JAG1: variants seen among roughly 807,000 people sequenced by gnomAD.
JAG1 encodes protein jagged-1.
A neutral mutation model predicts 148.7 loss-of-function variants in JAG1; 23 were observed. That is an observed-to-expected ratio of 0.15 (90% confidence interval 0.11 to 0.22). The LOEUF (loss-of-function observed/expected upper bound fraction) is 0.22, where lower values mean the gene tolerates loss of function less well. JAG1 is among the 10% of genes least tolerant of loss of function. The pLI, the probability that JAG1 is intolerant of heterozygous loss-of-function variation, is 1.00. For missense variants in JAG1, 1,054 were observed against 1,611.2 expected, an observed-to-expected ratio of 0.65 and a Z score of 5.92; for synonymous variants, 572 against 598.3, an observed-to-expected ratio of 0.96 and a Z score of 0.64.
intron 5 of JAG1, among the ~76,000 whole-genome samples, chr20:10,653,922 G>A (rs2067362229): frequency 6.6e-6 from 1 of 152,188 alleles, no homozygotes; most frequent in Non-Finnish European, 1.5e-5. Flanking sequence ...AGAATGTGTG[G>A]TTTAAAGTTA....
intron 5 of JAG1, among the ~76,000 whole-genome samples, chr20:10,654,335 A>C (rs1216969523): frequency 1.3e-5 from 2 of 152,234 alleles, no homozygotes; most frequent in East Asian, 3.8e-4. Flanking sequence ...ACCCTAAAAG[A>C]GGCACCAACC....
In JAG1 at chr20:10,667,302, C is replaced by T. The variant is rs77019750; in HGVS notation, c.388-3288G>A. 4.5e-4 allele frequency among the ~76,000 whole-genome samples: 69 copies of T among 152,344 alleles called. No homozygotes were observed. The East Asian group carries it at 0.012, about 26-fold the overall frequency. On this transcript the variant is annotated intron_variant, in intron 2 of 25. Transcript: ENST00000254958. ...CCATTGTGCACAGTCAGTCGGCTCCCAGGGTTCGTCAGGGGCCCTGAGCTC... is the reference window on the plus strand; with the variant it reads ...CCATTGTGCACAGTCAGTCGGCTCCTAGGGTTCGTCAGGGGCCCTGAGCTC...
intron 14 of JAG1, chr20:10,646,325 G>T: frequency 1.9e-6 from 1 of 514,668 alleles, no homozygotes. Flanking sequence ...AGGTGAAAGT[G>T]GGGAAGAAAC....
At position 10,641,158 on chromosome 20, in the gene JAG1, A is replaced by T. The variant is rs775926205; in HGVS notation, c.3003T>A (p.Ala1001=). The T allele has an allele frequency of 1.9e-5, 30 of 1,613,914 alleles. No homozygotes were observed. The African/African-American group carries it at 3.1e-4, about 17-fold the overall frequency. The part of the protein sequence containing the change: ...NVSAEYSIYI[A]CEPSPSANNE... ...TGTTCGCTGAAGGGGAAGGCTCGCA[A>T]GCGATGTAGATTGAATATTCAGCGG... is the stretch of plus-strand genomic sequence containing the variant. Residue 1001 remains alanine (A), a synonymous_variant, in exon 24 of 26, where the codon GCT becomes GCA. Transcript: ENST00000254958.
intron 9 of JAG1, 61 bp from the exon 10 acceptor site, chr20:10,649,696 G>GA (rs749690833): frequency 6.7e-4 from 607 of 901,498 alleles, no homozygotes; most frequent in Non-Finnish European, 9.2e-4. Flanking sequence ...CCCCACCTTG[G>GA]AAAAAAAAAG....
chr20:10,655,477 AC>A (rs2067372496), intron 5 of JAG1, among the ~76,000 whole-genome samples: 2 of 152,172 alleles, frequency 1.3e-5, no homozygotes, highest in Admixed American at 1.3e-4. Context: ...AAATGCAGAA[AC>A]CTGGGCTCAG....
At chr20:10,641,935 C>T (rs777717011) in intron 21 of JAG1, 43 bp from the exon 22 acceptor site, 4 of 1,304,358 alleles carry the variant, frequency 3.1e-6, no homozygotes, top group Admixed American at 1.7e-5. Context: ...TTCTGTGAAC[C>T]GGATCGGGGT....
rs754636635 is a variant in JAG1 at position 10,647,121 on chromosome 20, G to C, written c.1721-18C>G. On this transcript the variant is annotated intron_variant, in intron 13 of 25. Coordinates refer to ENST00000254958, the MANE Select transcript of JAG1 (RefSeq NM_000214.3). ...GTCAATCACTAGAAGATAGGCTTGGGATCAGATCACAGCCATGCACCCACA... is the reference window on the plus strand; with the variant it reads ...GTCAATCACTAGAAGATAGGCTTGGCATCAGATCACAGCCATGCACCCACA... 4 of 1,614,138 alleles carry C rather than the reference G, an allele frequency of 2.5e-6. No individual in the cohort carries two copies. Among genetic ancestry groups the C allele is most frequent in the East Asian group, 4.5e-5 (2 of 44,872 alleles).
chr20:10,660,755 G>A (rs897497617), intron 3 of JAG1, among the ~76,000 whole-genome samples: 7 of 152,192 alleles, frequency 4.6e-5, no homozygotes, highest in African/African-American at 1.7e-4. Flanking sequence ...TCCTGATCAC[G>A]CTTTCCTTCA....
Position 10,646,898 on chromosome 20 carries a change from G to A in JAG1, c.1885+41C>T, listed in dbSNP as rs115435195. Reference sequence around the variant, plus strand: ...GGGGCAGAGGCAGGGGCAGGGGCAGGCTGGGGAGCACTGGTCCATTCCCGG... The same window carrying A: ...GGGGCAGAGGCAGGGGCAGGGGCAGACTGGGGAGCACTGGTCCATTCCCGG... On this transcript the variant is annotated intron_variant, in intron 14 of 25. Coordinates refer to ENST00000254958, the MANE Select transcript of JAG1 (RefSeq NM_000214.3). The A allele has an allele frequency of 2.8e-3, 4,510 of 1,601,204 alleles. 114 individuals carry two copies. The African/African-American group carries it at 0.054, about 19-fold the overall frequency.
rs1270151442 is a variant in JAG1, at chr20:10,641,830, C to A, written c.2635G>T (p.Asp879Tyr). 1 of 1,614,186 alleles carries A rather than the reference C, an allele frequency of 6.2e-7. No homozygotes were observed. ...TTCAGGCACTGGCAGGTATTACAGT[C>A]ATCATCCCATTTGGCCCCATCTGGT... ...VIPDGAKWDDDCNTCQCLNGR... is the reference protein window; with the variant it reads ...VIPDGAKWDDYCNTCQCLNGR... The change falls in exon 22 of 26, where the codon GAC (aspartate) becomes TAC (tyrosine). Residue 879 changes from aspartate (D) to tyrosine (Y), a missense_variant. Asp to Tyr is a radical substitution (Grantham distance 160, BLOSUM62 -3). This residue lies in a region of JAG1 where 342 missense variants were observed against 514.6 expected (regional missense o/e 0.66). Transcript: ENST00000254958.
intron 2 of JAG1, among the ~76,000 whole-genome samples, chr20:10,669,909 A>T (rs1266509168): frequency 6.6e-6 from 1 of 152,238 alleles, no homozygotes; most frequent in Non-Finnish European, 1.5e-5. Flanking sequence ...TACTTCCCAC[A>T]ATAATGGTTC....
intron 2 of JAG1, among the ~76,000 whole-genome samples, chr20:10,668,997 G>A (rs1433010009): frequency 4.0e-5 from 6 of 149,872 alleles, no homozygotes; most frequent in Non-Finnish European, 8.9e-5. Context: ...ACAACAAGGA[G>A]AAAGAAAACA....
chr20:10,659,427 T>G (rs1371760286), intron 3 of JAG1, among the ~76,000 whole-genome samples: 1 of 152,246 alleles, frequency 6.6e-6, no homozygotes, highest in African/African-American at 2.4e-5. Context: ...GGAATGTTGC[T>G]CTTGAAGAAA....
intron 19 of JAG1, among the ~76,000 whole-genome samples, chr20:10,644,120 C>T (rs1035366822): frequency 1.8e-4 from 28 of 152,182 alleles, no homozygotes; most frequent in African/African-American, 6.3e-4. Context: ...TGAAAAATCA[C>T]TGCTCTAAAT....
intron 5 of JAG1, among the ~76,000 whole-genome samples, chr20:10,656,162 T>C (rs904485762): frequency 1.3e-5 from 2 of 152,222 alleles, no homozygotes; most frequent in Non-Finnish European, 2.9e-5. Context: ...AGTTAATACA[T>C]GAAGTCACTG....
Position 10,649,650 on chromosome 20 carries a change from G to C in JAG1, c.1235-15C>G. 2 of 1,480,968 alleles carry C rather than the reference G, an allele frequency of 1.4e-6. No homozygotes were observed. Among genetic ancestry groups the C allele is most frequent in the Non-Finnish European group, 1.9e-6 (2 of 1,059,260 alleles). The allele number at this position is 1,480,968 out of a possible 1,614,324, so 91.7% of individuals were successfully genotyped here. The stretch of plus-strand genomic sequence containing the variant: ...TTCATTTGCATCTGAAAGGAGATGG[G>C]GATGAGCATGAGAAATGAAGTTCAA... On this transcript the variant is annotated splice_polypyrimidine_tract_variant and intron_variant, in intron 9 of 25. Coordinates refer to ENST00000254958, the MANE Select transcript of JAG1 (RefSeq NM_000214.3).
chr20:10,643,397 C>T (rs755181889), intron 20 of JAG1, among the ~76,000 whole-genome samples: 3 of 152,230 alleles, frequency 2.0e-5, no homozygotes, highest in Non-Finnish European at 2.9e-5. Flanking sequence ...AAGCCACAGT[C>T]GTCCTCCCTT....
intron 3 of JAG1, among the ~76,000 whole-genome samples, chr20:10,663,132 C>T (rs2122630966): frequency 6.6e-6 from 1 of 152,270 alleles, no homozygotes; most frequent in South Asian, 2.1e-4. Flanking sequence ...ACAAGGCATT[C>T]AGAGAACAGA....
Sources: allele counts gnomAD v4.1 joint callset (sites outside exome capture counted in the v4.1 genomes callset), GRCh38; gene constraint gnomAD v4.1.1; regional missense constraint gnomAD v4.1.1; transcripts MANE v1.5; gene names NCBI Gene and HGNC (gene_info 2026-07-23, HGNC 2026-07-21).